The following KY variants were observed in gnomAD, a reference collection of about 807,000 sequenced individuals.
KY encodes the protein kyphoscoliosis peptidase.
In KY, 43 loss-of-function variants were observed where a neutral mutation model predicts 76.1. The observed-to-expected ratio is 0.57, with a 90% confidence interval of 0.44 to 0.73. KY has a LOEUF of 0.73. KY is among the 30% of genes least tolerant of loss of function. The pLI is 0.00. For synonymous variants in KY, 277 were observed against 326.2 expected (o/e 0.85, Z 1.63); for missense variants, 722 against 828.9 (o/e 0.87, Z 1.58).
chr3:134,624,553 T>A (rs1963159585), intron 6 of KY, among the ~76,000 whole-genome samples: 1 of 152,230 alleles, frequency 6.6e-6, no homozygotes, highest in African/African-American at 2.4e-5. Context: ...CAGCTCTTCA[T>A]CTGCTCCTCC....
intron 4 of KY, 162 bp downstream of exon 4, chr3:134,629,459 T>A: frequency 1.7e-6 from 1 of 578,924 alleles, no homozygotes; most frequent in Non-Finnish European, 3.1e-6. Flanking sequence ...GAGAAAAGAG[T>A]CTCCCAGGAT....
intron 3 of KY, among the ~76,000 whole-genome samples, chr3:134,638,729 A>G (rs891723794): frequency 6.6e-6 from 1 of 152,186 alleles, no homozygotes; most frequent in African/African-American, 2.4e-5. Context: ...TCACCCAGTC[A>G]GGTTTCTTCC....
chr3:134,636,940 T>G (rs899524836), intron 3 of KY, among the ~76,000 whole-genome samples: 1 of 152,234 alleles, frequency 6.6e-6, no homozygotes, highest in African/African-American at 2.4e-5. Flanking sequence ...TTTTCCTCAT[T>G]GATTTTGTAA....
At chr3:134,638,121 CACTT>C (rs1965234607) in intron 3 of KY, among the ~76,000 whole-genome samples, 1 of 152,320 alleles carries the variant, frequency 6.6e-6, no homozygotes, top group Non-Finnish European at 1.5e-5. Context: ...TTCCTGCTCT[CACTT>C]ACTGTTGTGT....
In KY at chr3:134,624,372, T is replaced by A. The variant is rs79741194; in HGVS notation, c.483+681A>T. ...GCTTTCTTGATCCATGCACTCACCA[T>A]CCACTCATTATTTCAACAAACAAGG... is the stretch of plus-strand genomic sequence containing the variant. On this transcript the variant is annotated intron_variant, in intron 6 of 10. Coordinates refer to ENST00000423778, the MANE Select transcript of KY (RefSeq NM_178554.6). 4.0e-3 allele frequency among the ~76,000 whole-genome samples: 610 copies of A among 152,330 alleles called. 2 individuals carry two copies. The highest frequency in any genetic ancestry group is 6.8e-3 in the Non-Finnish European group (461 of 68,018).
intron 10 of KY, among the ~76,000 whole-genome samples, chr3:134,606,548 C>T (rs1006299729): frequency 2.6e-5 from 4 of 152,172 alleles, no homozygotes; most frequent in African/African-American, 9.7e-5. Context: ...TCTCTCCTAG[C>T]CCTGGCTGTC....
chr3:134,610,654 T>C, intron 8 of KY: 2 of 392,744 alleles, frequency 5.1e-6, no homozygotes, highest in African/African-American at 2.1e-5. Context: ...ACCATTCAGA[T>C]CACTTCTGAA....
intron 3 of KY, among the ~76,000 whole-genome samples, chr3:134,635,285 T>C (rs1964778567): frequency 6.6e-6 from 1 of 151,972 alleles, no homozygotes; most frequent in African/African-American, 2.4e-5. Flanking sequence ...TCACTTGAGG[T>C]CAGGAGTTTG....
At position 134,632,175 on chromosome 3, in the gene KY, T is replaced by C. The variant is rs190733674; in HGVS notation, c.263-2480A>G. On this transcript the variant is annotated intron_variant, in intron 3 of 10. Coordinates refer to ENST00000423778, the MANE Select transcript of KY (RefSeq NM_178554.6). ...ACAAATCTACAATTATAGTTCGAGA[T>C]TTTAACACTAATCTTTCAGTCATTG... is the stretch of plus-strand genomic sequence containing the variant. 1.2e-4 allele frequency among the ~76,000 whole-genome samples: 18 copies of C among 152,168 alleles called. 1 individual carries two copies. The highest frequency in any genetic ancestry group is 4.1e-4 in the African/African-American group (17 of 41,572).
rs977138025 is a variant in KY at position 134,628,036 on chromosome 3, TG to T, written c.338-219del. ...GGAAGACTAAGAACCAGGAAGTGGC[TG>T]ACAAGAAAGGGAGCTGCATTCTGCA... is the stretch of plus-strand genomic sequence containing the variant. On this transcript the variant is annotated intron_variant, in intron 4 of 10. Coordinates refer to ENST00000423778, the MANE Select transcript of KY (RefSeq NM_178554.6). 6.7e-6 allele frequency: 4 copies of T among 593,786 alleles called. No individual in the cohort carries two copies. The African/African-American group carries it at 7.4e-5, about 11-fold the overall frequency. The allele number at this position is 593,786 out of a possible 1,614,324, so 36.8% of individuals were successfully genotyped here. A position where few individuals can be genotyped will look rare whatever the true frequency, so the allele number is the denominator to read the frequency against.
rs200794719 is a variant in KY at position 134,643,301 on chromosome 3, C to T, written c.262+15G>A. On this transcript the variant is annotated intron_variant, in intron 3 of 10. Transcript: ENST00000423778. ...CCTCTGCAGGGGAGGTCACGGCTAG[C>T]GGCGAATCACTTACCTTGGCTGTTG... 119 of 1,613,040 alleles carry T rather than the reference C, an allele frequency of 7.4e-5. No homozygotes were observed. Among genetic ancestry groups the T allele is most frequent in the South Asian group, 1.9e-4 (17 of 91,022 alleles).
At chr3:134,625,767 A>G (rs1426700294) in intron 5 of KY, among the ~76,000 whole-genome samples, 4 of 152,242 alleles carry the variant, frequency 2.6e-5, no homozygotes, top group African/African-American at 9.6e-5. Flanking sequence ...GCGTTCTGGT[A>G]ACAGGGCCCT....
intron 3 of KY, among the ~76,000 whole-genome samples, chr3:134,634,945 AGT>A (rs1307578470): frequency 3.3e-5 from 5 of 152,260 alleles, no homozygotes; most frequent in African/African-American, 1.2e-4. Flanking sequence ...ATATATTGCT[AGT>A]GGGATTGTAA....
chr3:134,603,395 C>T lies in KY; in HGVS notation c.*184G>A, dbSNP rs1025660424. On this transcript the variant is annotated 3_prime_UTR_variant, in exon 11 of 11. Coordinates refer to ENST00000423778, the MANE Select transcript of KY (RefSeq NM_178554.6). ...TCTGCCCCCTCAGTCACAGCCACACCTGAGTGAAGCCTTCAGAACACAAAG... is the reference window on the plus strand; with the variant it reads ...TCTGCCCCCTCAGTCACAGCCACACTTGAGTGAAGCCTTCAGAACACAAAG... 3.5e-6 allele frequency: 2 copies of T among 564,086 alleles called. No individual in the cohort carries two copies. The highest frequency in any genetic ancestry group is 3.4e-5 in the Admixed American group (1 of 29,182). The allele number at this position is 564,086 out of a possible 1,614,324, so 34.9% of individuals were successfully genotyped here.
intron 3 of KY, among the ~76,000 whole-genome samples, chr3:134,637,861 C>A (rs766094111): frequency 6.6e-5 from 10 of 152,220 alleles, no homozygotes; most frequent in Non-Finnish European, 1.2e-4. Context: ...GCTGTTAAAG[C>A]CCCTCCAGGG....
intron 3 of KY, among the ~76,000 whole-genome samples, chr3:134,633,288 G>C (rs1188314806): frequency 6.6e-6 from 1 of 151,892 alleles, no homozygotes; most frequent in Non-Finnish European, 1.5e-5. Context: ...TCAACACAAA[G>C]ACAGCAAAAG....
In KY at chr3:134,650,900, C is replaced by T. The variant is rs945047207; in HGVS notation, c.61G>A (p.Glu21Lys). The T allele has an allele frequency of 1.9e-6, 3 of 1,613,224 alleles. No homozygotes were observed. Among genetic ancestry groups the T allele is most frequent in the Admixed American group, 1.7e-5 (1 of 59,994 alleles). Residue 21 changes from glutamate (E) to lysine (K), a missense_variant, in exon 1 of 11, where the codon GAG becomes AAG. This residue lies in a region of KY where 170 missense variants were observed against 148.1 expected (regional missense o/e 1.15). Coordinates refer to ENST00000423778, the MANE Select transcript of KY (RefSeq NM_178554.6). ...GTACCCTGTGCGGCGCGCCGCTTCTCCGAGTGCACGATCAGCAGCATGTCG... is the reference window on the plus strand; with the variant it reads ...GTACCCTGTGCGGCGCGCCGCTTCTTCGAGTGCACGATCAGCAGCATGTCG... ...SIDMLLIVHS[E>K]KRRAAQGTLS... is the part of the protein sequence containing the mutation.
chr3:134,608,649 C>G lies in KY; in HGVS notation c.1090G>C (p.Val364Leu). 1 of 1,614,026 alleles carries G rather than the reference C, an allele frequency of 6.2e-7. No individual in the cohort carries two copies. Among genetic ancestry groups the G allele is most frequent in the Non-Finnish European group, 8.5e-7 (1 of 1,179,894 alleles). Residue 364 changes from valine to leucine, a missense_variant and splice_region_variant, in exon 10 of 11, where the codon GTG becomes CTG. Val to Leu is a conservative substitution (Grantham distance 32). Around this residue, in one of 2 missense-constraint regions of KY, gnomAD observed 552 missense variants for 680.9 expected, o/e 0.81. Coordinates refer to ENST00000423778, the MANE Select transcript of KY (RefSeq NM_178554.6). ...ACACTGGCACCTGCTCCGGGCTCAC[C>G]TGTTCTGATCATGGAAGTCTCTGGG... ...AHPETSMIRTVNGKATVTIES... is the reference protein window; with the variant it reads ...AHPETSMIRTLNGKATVTIES...
rs1226456632 is a variant in KY, at chr3:134,604,317, G to T, written c.1248C>A (p.Ile416=). ...PPTMGTHKLQ[I]FAKGNSDIYS... is the part of the protein sequence containing the mutation. ...AGATGTCGGAGTTGCCCTTGGCAAA[G>T]ATCTGCAGCTTGTGAGTGCCCATGG... Residue 416 remains isoleucine (I), a synonymous_variant, in exon 11 of 11, where the codon ATC becomes ATA. Transcript: ENST00000423778. 1 of 1,613,990 alleles carries T rather than the reference G, an allele frequency of 6.2e-7. No homozygotes were observed. The highest frequency in any genetic ancestry group is 1.1e-5 in the South Asian group (1 of 91,080).
Sources: gnomAD v4.1 joint callset for allele counts (sites outside exome capture counted in the v4.1 genomes callset) on GRCh38, gnomAD v4.1.1 for gene constraint, gnomAD v4.1.1 regional missense constraint, MANE v1.5 for transcripts, NCBI Gene and HGNC (gene_info 2026-07-23, HGNC 2026-07-21) for gene names.